Variants in CMIP observed in about 807,000 individuals in gnomAD.
CMIP encodes c-Maf inducing protein.
A neutral mutation model predicts 97.3 loss-of-function variants in CMIP; 13 were observed. The ratio of observed to expected loss-of-function variants is 0.13; its 90% CI spans 0.09 to 0.21. The LOEUF (loss-of-function observed/expected upper bound fraction) is 0.21. Among genes scored for constraint, CMIP ranks in the 10% least tolerant of loss-of-function variants. The probability of loss-of-function intolerance (pLI) is 1.00; values close to 1 mark genes in which losing one functional copy is unlikely to be tolerated. For missense variants in CMIP, 847 were observed against 1,024.9 expected (o/e 0.83, Z 2.37); for synonymous variants, 538 against 436.3 (o/e 1.23, Z -2.91).
rs182457018 is a variant in CMIP at position 81,459,389 on chromosome 16, G to A, written c.300+13848G>A. ...CGCTGTGACCCCGTGCCGTGACCCTGCTCCGTGACCTCGCTCCGTGACCTC... is the reference window on the plus strand; with the variant it reads ...CGCTGTGACCCCGTGCCGTGACCCTACTCCGTGACCTCGCTCCGTGACCTC... On this transcript the variant is annotated intron_variant, in intron 1 of 20. Transcript: ENST00000537098. Among the ~76,000 whole-genome samples the A allele has an allele frequency of 2.9e-3, 445 of 152,192 alleles. 3 individuals are homozygous for A. Among genetic ancestry groups the A allele is most frequent in the Non-Finnish European group, 5.3e-3 (360 of 67,990 alleles).
At chr16:81,644,766 G>T (rs1440381298) in intron 3 of CMIP, among the ~76,000 whole-genome samples, 1 of 152,270 alleles carries the variant, frequency 6.6e-6, no homozygotes, top group Non-Finnish European at 1.5e-5. Flanking sequence ...CAAGGCACAA[G>T]TGGGGACATT....
At chr16:81,650,491 G>A (rs1049513826) in intron 3 of CMIP, among the ~76,000 whole-genome samples, 2 of 152,188 alleles carry the variant, frequency 1.3e-5, no homozygotes, top group African/African-American at 2.4e-5. Context: ...GATGGGCGGG[G>A]GGAATGAAAA....
At chr16:81,664,725 G>A (rs2092584816) in intron 7 of CMIP, 2 of 421,606 alleles carry the variant, frequency 4.7e-6, no homozygotes, top group Non-Finnish European at 8.3e-6. Flanking sequence ...AGAGAGCACT[G>A]TATGGAAGGG....
intron 1 of CMIP, among the ~76,000 whole-genome samples, chr16:81,514,956 C>T (rs1432832992): frequency 1.3e-5 from 2 of 152,196 alleles, no homozygotes; most frequent in Non-Finnish European, 2.9e-5. Flanking sequence ...ATGCGATGAA[C>T]ACTCCCCTGA....
intron 3 of CMIP, among the ~76,000 whole-genome samples, chr16:81,629,214 A>G (rs1421233747): frequency 2.0e-5 from 3 of 149,586 alleles, no homozygotes; most frequent in Non-Finnish European, 4.4e-5. Context: ...TTTCTCACGC[A>G]GAAGGGCTGA....
chr16:81,671,774 C>T (rs970831156), intron 8 of CMIP, among the ~76,000 whole-genome samples, 192 bp from the exon 9 acceptor site: 1 of 152,254 alleles, frequency 6.6e-6, no homozygotes, highest in African/African-American at 2.4e-5. Flanking sequence ...CCTTCTGCTG[C>T]CTGCACGTGG....
intron 1 of CMIP, among the ~76,000 whole-genome samples, chr16:81,500,916 G>A (rs2089598414): frequency 6.6e-6 from 1 of 152,100 alleles, no homozygotes; most frequent in Non-Finnish European, 1.5e-5. Context: ...GTCCTCACGA[G>A]TTGAACTAAC....
Position 81,645,302 on chromosome 16 carries a change from C to T in CMIP, c.478-6901C>T, listed in dbSNP as rs754662743. ...CCTCCACTCTGCAGTGCCATGGGCG[C>T]GCCCGTGCAGCGTCCTCTCTTCACG... is the stretch of plus-strand genomic sequence containing the variant. On this transcript the variant is annotated intron_variant, in intron 3 of 20. Coordinates refer to ENST00000537098, the MANE Select transcript of CMIP (RefSeq NM_198390.3). 125 of 1,165,674 alleles carry T rather than the reference C, an allele frequency of 1.1e-4. No homozygotes were observed. The African/African-American group carries it at 1.1e-3, about 11-fold the overall frequency. 72.2% of individuals were successfully genotyped at this position (1,165,674 alleles called of 1,614,324 possible). A position where few individuals can be genotyped will look rare whatever the true frequency, so the allele number is the denominator to read the frequency against.
chr16:81,541,371 G>A (rs2090446162), intron 1 of CMIP, among the ~76,000 whole-genome samples: 1 of 152,176 alleles, frequency 6.6e-6, no homozygotes, highest in South Asian at 2.1e-4. Context: ...TTGGAGATGT[G>A]CACGGTGGAG....
At chr16:81,525,763 A>G (rs1199728612) in intron 1 of CMIP, among the ~76,000 whole-genome samples, 3 of 152,200 alleles carry the variant, frequency 2.0e-5, no homozygotes, top group Non-Finnish European at 4.4e-5. Context: ...ATTAAATGAT[A>G]GCTCCACATT....
chr16:81,488,955 C>T (rs1404081950), intron 1 of CMIP, among the ~76,000 whole-genome samples: 1 of 147,816 alleles, frequency 6.8e-6, no homozygotes, highest in East Asian at 2.0e-4. Context: ...GAGTTTCATT[C>T]ATGCTTCATT....
intron 1 of CMIP, among the ~76,000 whole-genome samples, chr16:81,582,059 G>C (rs1048829016): frequency 6.6e-6 from 1 of 152,100 alleles, no homozygotes; most frequent in African/African-American, 2.4e-5. Context: ...GAGAGCTGGC[G>C]GGGAGAGGTG....
chr16:81,538,082 C>T (rs930788770), intron 1 of CMIP, among the ~76,000 whole-genome samples: 4 of 152,234 alleles, frequency 2.6e-5, no homozygotes, highest in African/African-American at 9.7e-5. Context: ...CTCGTTGCAT[C>T]CCCCTGTAAC....
At chr16:81,505,882 C>G (rs913610061) in intron 1 of CMIP, among the ~76,000 whole-genome samples, 1 of 152,198 alleles carries the variant, frequency 6.6e-6, no homozygotes, top group Non-Finnish European at 1.5e-5. Flanking sequence ...GTAATCCCAG[C>G]TATTCGGGAG....
intron 1 of CMIP, among the ~76,000 whole-genome samples, chr16:81,503,850 A>G (rs570270268): frequency 3.1e-4 from 47 of 152,374 alleles, no homozygotes; most frequent in Admixed American, 1.1e-3. Context: ...CCTGTCAGTG[A>G]CAGACGTCAT....
At chr16:81,566,294 C>T (rs751969383) in intron 1 of CMIP, among the ~76,000 whole-genome samples, 2 of 152,206 alleles carry the variant, frequency 1.3e-5, no homozygotes, top group Admixed American at 6.5e-5. Context: ...TACCAGGCCC[C>T]GTACCTGGTC....
At chr16:81,657,919 G>C (rs912213310) in intron 5 of CMIP, 103 bp downstream of exon 5, 2 of 939,460 alleles carry the variant, frequency 2.1e-6, no homozygotes, top group Admixed American at 2.8e-5. Flanking sequence ...TAATCCACCA[G>C]CATCTGGCCT....
intron 1 of CMIP, among the ~76,000 whole-genome samples, chr16:81,541,600 A>G (rs74029172): frequency 0.035 from 5,387 of 152,354 alleles, 101 homozygotes; most frequent in African/African-American, 0.046. Context: ...ACATAAACTT[A>G]TGAAATATGA....
At chr16:81,678,676 C>G (rs768601351) in intron 10 of CMIP, 48 bp downstream of exon 10, 7 of 846,690 alleles carry the variant, frequency 8.3e-6, no homozygotes, top group Non-Finnish European at 1.3e-5. Context: ...TGGGAGGAGA[C>G]TGGGCTTTGC....
Sources: gnomAD v4.1 joint callset for allele counts (sites outside exome capture counted in the v4.1 genomes callset) on GRCh38, gnomAD v4.1.1 for gene constraint, MANE v1.5 for transcripts, NCBI Gene and HGNC (gene_info 2026-07-23, HGNC 2026-07-21) for gene names.